Variants in CNTNAP2 observed in about 807,000 individuals in gnomAD.
The protein encoded by CNTNAP2 is contactin-associated protein-like 2.
Under a neutral mutation model 155.2 loss-of-function variants are expected in CNTNAP2, and 98 were observed. The observed-to-expected ratio is 0.63, with a 90% CI of 0.54 to 0.75. The LOEUF is 0.75. Ranked by LOEUF, CNTNAP2 falls within the 30% of genes least tolerant of loss-of-function variation. The pLI is 0.00. For missense variants in CNTNAP2, 1,727 were observed against 1,688.1 expected, an observed-to-expected ratio of 1.02 and a Z score of -0.40; for synonymous variants, 651 against 631.2, an observed-to-expected ratio of 1.03 and a Z score of -0.47.
At chr7:146,430,496 G>T (rs1303049787) in intron 1 of CNTNAP2, among the ~76,000 whole-genome samples, 1 of 151,952 alleles carries the variant, frequency 6.6e-6, no homozygotes, top group Non-Finnish European at 1.5e-5. Context: ...ATGAATGAAT[G>T]AATAGATAAG....
At chr7:146,517,213 G>C (rs776446084) in intron 1 of CNTNAP2, among the ~76,000 whole-genome samples, 7 of 151,940 alleles carry the variant, frequency 4.6e-5, no homozygotes, top group South Asian at 2.1e-4. Context: ...TCAAAGGAAC[G>C]TAGTATATAT....
intron 1 of CNTNAP2, among the ~76,000 whole-genome samples, chr7:146,265,358 C>T (rs1309138995): frequency 6.6e-6 from 1 of 151,856 alleles, no homozygotes; most frequent in Non-Finnish European, 1.5e-5. Context: ...TAATTGAATC[C>T]ACAATTTATG....
chr7:148,322,999 T>G (rs1199404093), intron 21 of CNTNAP2, among the ~76,000 whole-genome samples: 1 of 152,164 alleles, frequency 6.6e-6, no homozygotes, highest in Non-Finnish European at 1.5e-5. Flanking sequence ...ATAAATCAAA[T>G]TCTTAGTGGC....
At chr7:147,534,429 C>A (rs1223369836) in intron 11 of CNTNAP2, among the ~76,000 whole-genome samples, 1 of 152,066 alleles carries the variant, frequency 6.6e-6, no homozygotes, top group Non-Finnish European at 1.5e-5. Context: ...TTTCCTCTGC[C>A]CAGGCCTCCT....
At chr7:146,819,210 ATGGAAGCAATGAACATAT>A (rs1803230053) in intron 2 of CNTNAP2, among the ~76,000 whole-genome samples, 1 of 152,208 alleles carries the variant, frequency 6.6e-6, no homozygotes, top group African/African-American at 2.4e-5. Context: ...ATAGTGGTAG[ATGGAAGCAATGAACATAT>A]TGGTGCACAT....
chr7:148,055,469 T>C (rs1276323315), intron 15 of CNTNAP2, among the ~76,000 whole-genome samples: 5 of 152,190 alleles, frequency 3.3e-5, no homozygotes, highest in Non-Finnish European at 7.3e-5. Context: ...TCCAGTTCTG[T>C]CATTTACCAA....
At chr7:147,331,197 A>G (rs535317826) in intron 9 of CNTNAP2, among the ~76,000 whole-genome samples, 2 of 152,090 alleles carry the variant, frequency 1.3e-5, no homozygotes, top group Non-Finnish European at 2.9e-5. Flanking sequence ...AAAAGACTCA[A>G]AGGACTTTGA....
At chr7:147,943,964 C>T (rs1010705035) in intron 14 of CNTNAP2, among the ~76,000 whole-genome samples, 3 of 152,010 alleles carry the variant, frequency 2.0e-5, no homozygotes, top group African/African-American at 7.3e-5. Context: ...GCTAGCATCT[C>T]CATCGTTCAA....
At chr7:147,072,755 A>C (rs141466767) in intron 4 of CNTNAP2, among the ~76,000 whole-genome samples, 1 of 152,048 alleles carries the variant, frequency 6.6e-6, no homozygotes, top group East Asian at 1.9e-4. Context: ...AGAGACTCAG[A>C]TTTAAAGAAA....
At chr7:147,560,032 G>T (rs1800029603) in intron 11 of CNTNAP2, among the ~76,000 whole-genome samples, 2 of 151,932 alleles carry the variant, frequency 1.3e-5, no homozygotes, top group Admixed American at 6.6e-5. Flanking sequence ...GCCGGGCATG[G>T]TGGCGGATGC....
intron 11 of CNTNAP2, among the ~76,000 whole-genome samples, chr7:147,527,262 A>T (rs1347462126): frequency 6.6e-6 from 1 of 151,812 alleles, no homozygotes; most frequent in African/African-American, 2.4e-5. Context: ...TGACCTTGTG[A>T]TCCGCCCACC....
intron 21 of CNTNAP2, among the ~76,000 whole-genome samples, chr7:148,374,917 T>A (rs994742047): frequency 2.0e-5 from 3 of 152,192 alleles, no homozygotes; most frequent in African/African-American, 4.8e-5. Context: ...GTGGTTTGAG[T>A]GACAGGTACA....
At chr7:146,872,792 G>A (rs560753783) in intron 3 of CNTNAP2, among the ~76,000 whole-genome samples, 1 of 152,146 alleles carries the variant, frequency 6.6e-6, no homozygotes, top group African/African-American at 2.4e-5. Context: ...TTAAATGATT[G>A]TCTTCAGAAT....
At chr7:147,475,765 G>A (rs977937516) in intron 10 of CNTNAP2, among the ~76,000 whole-genome samples, 2 of 152,044 alleles carry the variant, frequency 1.3e-5, no homozygotes, top group African/African-American at 2.4e-5. Context: ...TGCCACATAC[G>A]TTTAAATCTT....
chr7:148,344,096 G>C (rs11767934), intron 21 of CNTNAP2, among the ~76,000 whole-genome samples: 33,990 of 152,100 alleles, frequency 0.22, 4,055 homozygotes, highest in Admixed American at 0.3. Context: ...TTGTCAGATG[G>C]TCTTCACACA....
intron 21 of CNTNAP2, among the ~76,000 whole-genome samples, chr7:148,269,333 T>C (rs545015469): frequency 7.6e-4 from 116 of 152,346 alleles, no homozygotes; most frequent in African/African-American, 2.6e-3. Flanking sequence ...CAGTCTCAAA[T>C]CTAGCTTTGG....
chr7:147,216,107 G>C (rs187407422), intron 8 of CNTNAP2, among the ~76,000 whole-genome samples: 1 of 150,150 alleles, frequency 6.7e-6, no homozygotes, highest in Non-Finnish European at 1.5e-5. Context: ...TATGTGTTTT[G>C]CAAGTATTAG....
chr7:147,624,437 T>A (rs2116898094), intron 12 of CNTNAP2, among the ~76,000 whole-genome samples: 1 of 152,084 alleles, frequency 6.6e-6, no homozygotes, highest in South Asian at 2.1e-4. Context: ...TATGTTTCAA[T>A]AATTGGCCAA....
intron 10 of CNTNAP2, among the ~76,000 whole-genome samples, chr7:147,438,753 T>C (rs1797593124): frequency 6.6e-6 from 1 of 152,140 alleles, no homozygotes. Context: ...TTTATTATGC[T>C]TCAGTTTCAT....
Sources: gnomAD v4.1 joint callset for allele counts (sites outside exome capture counted in the v4.1 genomes callset) on GRCh38, gnomAD v4.1.1 for gene constraint, MANE v1.5 for transcripts, NCBI Gene and HGNC (gene_info 2026-07-23, HGNC 2026-07-21) for gene names.